PTPRG: variants seen among roughly 807,000 people sequenced by gnomAD.
The protein encoded by PTPRG is protein tyrosine phosphatase receptor type G, also known as receptor-type tyrosine-protein phosphatase gamma.
Under a neutral mutation model 165.3 loss-of-function variants are expected in PTPRG, and 102 were observed. The observed-to-expected ratio is 0.62, with a 90% CI of 0.53 to 0.73. The LOEUF (loss-of-function observed/expected upper bound fraction) is 0.73. PTPRG is among the 30% of genes least tolerant of loss of function. The pLI, the probability that PTPRG is intolerant of heterozygous loss-of-function variation, is 0.00. For missense variants in PTPRG, 1,866 were observed against 1,861.4 expected (o/e 1.00, Z -0.05); for synonymous variants, 675 against 669.5 (o/e 1.01, Z -0.13).
intron 5 of PTPRG, among the ~76,000 whole-genome samples, chr3:62,131,785 A>C (rs1357024730): frequency 6.6e-6 from 1 of 152,202 alleles, no homozygotes; most frequent in African/African-American, 2.4e-5. Context: ...TGTGGCATGT[A>C]TACCCCGCTC....
intron 1 of PTPRG, among the ~76,000 whole-genome samples, chr3:61,744,892 TAG>T (rs2033136836): frequency 6.6e-6 from 1 of 152,122 alleles, no homozygotes; most frequent in Admixed American, 6.5e-5. Context: ...GGGCAGTGGC[TAG>T]AGAGTCAGTG....
At chr3:62,205,411 A>G (rs1700203849) in intron 12 of PTPRG, among the ~76,000 whole-genome samples, 1 of 152,242 alleles carries the variant, frequency 6.6e-6, no homozygotes, top group South Asian at 2.1e-4. Flanking sequence ...GCAGTAGAAC[A>G]TAGGTAACAC....
chr3:62,108,460 T>A (rs976395076), intron 5 of PTPRG, among the ~76,000 whole-genome samples: 1 of 152,236 alleles, frequency 6.6e-6, no homozygotes, highest in South Asian at 2.1e-4. Flanking sequence ...GACATTTGGG[T>A]TGGTTCCAAG....
chr3:61,985,291 G>A (rs1005961615), intron 2 of PTPRG, among the ~76,000 whole-genome samples: 3 of 152,168 alleles, frequency 2.0e-5, no homozygotes, highest in Non-Finnish European at 2.9e-5. Flanking sequence ...CTCCTGGGGA[G>A]GTGGGGCCCC....
At chr3:62,171,485 A>T (rs1018949562) in intron 8 of PTPRG, among the ~76,000 whole-genome samples, 1 of 152,220 alleles carries the variant, frequency 6.6e-6, no homozygotes. Context: ...TAGCAAATTT[A>T]TACTTGCGCA....
intron 1 of PTPRG, among the ~76,000 whole-genome samples, chr3:61,735,529 GTT>G (rs11352504): frequency 4.7e-4 from 67 of 143,166 alleles, no homozygotes; most frequent in South Asian, 1.6e-3. Flanking sequence ...AATTCCTTGA[GTT>G]TTTTTTTTTT....
chr3:61,842,581 T>A (rs1338521328), intron 2 of PTPRG, among the ~76,000 whole-genome samples: 1 of 151,876 alleles, frequency 6.6e-6, no homozygotes, highest in East Asian at 1.9e-4. Flanking sequence ...TAAATTATGC[T>A]GTAACAGAGA....
intron 2 of PTPRG, among the ~76,000 whole-genome samples, chr3:61,918,550 G>A (rs2038998860): frequency 6.6e-6 from 1 of 152,144 alleles, no homozygotes; most frequent in Non-Finnish European, 1.5e-5. Flanking sequence ...ATAGTACTGA[G>A]GATAGGAAAT....
intron 2 of PTPRG, among the ~76,000 whole-genome samples, chr3:61,960,022 A>T (rs2040115608): frequency 6.6e-6 from 1 of 151,890 alleles, no homozygotes; most frequent in African/African-American, 2.4e-5. Context: ...TTATATATCC[A>T]TCAGAGCTCA....
intron 2 of PTPRG, among the ~76,000 whole-genome samples, chr3:61,863,039 G>C (rs1364716823): frequency 2.1e-5 from 3 of 141,794 alleles, no homozygotes; most frequent in African/African-American, 7.6e-5. Context: ...GTAAGACCTG[G>C]CACCTTTTTC....
At chr3:61,889,756 A>G (rs940382483) in intron 2 of PTPRG, among the ~76,000 whole-genome samples, 4 of 152,246 alleles carry the variant, frequency 2.6e-5, no homozygotes, top group African/African-American at 9.6e-5. Flanking sequence ...ATGCCTTCTT[A>G]AACTATTTCC....
intron 2 of PTPRG, among the ~76,000 whole-genome samples, chr3:61,940,792 T>C (rs1032503793): frequency 6.6e-6 from 1 of 152,044 alleles, no homozygotes; most frequent in Non-Finnish European, 1.5e-5. Context: ...GCCTCCCAAG[T>C]AGCTGGGACT....
chr3:62,258,984 G>C (rs1701615860), intron 16 of PTPRG, among the ~76,000 whole-genome samples: 1 of 152,200 alleles, frequency 6.6e-6, no homozygotes, highest in Admixed American at 6.5e-5. Context: ...TTAACAGGCA[G>C]GGACTGGTAG....
chr3:61,858,036 C>G (rs749319680), intron 2 of PTPRG, among the ~76,000 whole-genome samples: 24 of 152,212 alleles, frequency 1.6e-4, no homozygotes, highest in Non-Finnish European at 3.4e-4. Context: ...ATGAGAACCA[C>G]TGGCTTAAAC....
At chr3:61,898,330 C>T (rs1424966610) in intron 2 of PTPRG, among the ~76,000 whole-genome samples, 1 of 152,044 alleles carries the variant, frequency 6.6e-6, no homozygotes, top group Non-Finnish European at 1.5e-5. Flanking sequence ...GCTGGGATTA[C>T]AGGTGTGAGC....
At chr3:61,637,657 T>C (rs772912615) in intron 1 of PTPRG, among the ~76,000 whole-genome samples, 16 of 152,206 alleles carry the variant, frequency 1.1e-4, no homozygotes, top group Non-Finnish European at 2.2e-4. Context: ...TGTAGACTTC[T>C]TAGGAGTCCA....
At chr3:61,612,948 C>T (rs764530369) in intron 1 of PTPRG, among the ~76,000 whole-genome samples, 11 of 152,080 alleles carry the variant, frequency 7.2e-5, no homozygotes, top group Non-Finnish European at 1.6e-4. Flanking sequence ...TGACAAAGGA[C>T]AGGTCAGCTT....
chr3:61,588,191 T>G (rs1473317795), intron 1 of PTPRG, among the ~76,000 whole-genome samples: 2 of 152,108 alleles, frequency 1.3e-5, no homozygotes, highest in African/African-American at 4.8e-5. Context: ...TTTATTACAG[T>G]TATGCGTCCT....
chr3:61,833,295 C>G (rs2036362741), intron 2 of PTPRG, among the ~76,000 whole-genome samples: 1 of 152,130 alleles, frequency 6.6e-6, no homozygotes, highest in Non-Finnish European at 1.5e-5. Flanking sequence ...GGGCAATTTG[C>G]TACATCTGTC....
Sources: allele counts gnomAD v4.1 joint callset (sites outside exome capture counted in the v4.1 genomes callset), GRCh38; gene constraint gnomAD v4.1.1; transcripts MANE v1.5; gene names NCBI Gene and HGNC (gene_info 2026-07-23, HGNC 2026-07-21).